The following REPS1 variants were observed in gnomAD, a reference collection of about 807,000 sequenced individuals.
REPS1 encodes RALBP1 associated Eps domain containing 1, also known as ralBP1-associated Eps domain-containing protein 1.
A neutral mutation model predicts 100.9 loss-of-function variants in REPS1; 39 were observed. The ratio of observed to expected loss-of-function variants is 0.39; its 90% CI spans 0.30 to 0.50. The LOEUF (loss-of-function observed/expected upper bound fraction) is 0.50. Ranked by LOEUF, REPS1 falls within the 20% of genes least tolerant of loss-of-function variation. The probability of loss-of-function intolerance (pLI) is 0.86; values close to 1 mark genes in which losing one functional copy is unlikely to be tolerated. For missense variants in REPS1, 821 were observed against 968.5 expected (o/e 0.85, Z 2.02); for synonymous variants, 324 against 340.3 (o/e 0.95, Z 0.53).
At chr6:138,932,065 T>A (rs1464131855) in intron 8 of REPS1, among the ~76,000 whole-genome samples, 1 of 152,144 alleles carries the variant, frequency 6.6e-6, no homozygotes, top group Non-Finnish European at 1.5e-5. Flanking sequence ...AGACCACAGT[T>A]CTCATGATTT....
chr6:138,957,913 A>C (rs931474205), intron 1 of REPS1, among the ~76,000 whole-genome samples: 12 of 152,348 alleles, frequency 7.9e-5, no homozygotes, highest in African/African-American at 2.2e-4. Flanking sequence ...TAAACAATTA[A>C]TTATGGTTAC....
In REPS1 at chr6:138,980,553, C is replaced by CG. The variant is rs200158144; in HGVS notation, c.153+6976_153+6977insC. ...CACCTTATTCTCCCTCCCCTGACCC[C>CG]CCATCCAGGCATCCTCTAAGGGGCC... On this transcript the variant is annotated intron_variant, in intron 1 of 19. Transcript: ENST00000450536. Among the ~76,000 whole-genome samples the CG allele has an allele frequency of 1.9e-4, 29 of 152,108 alleles. 1 individual carries two copies. The highest frequency in any genetic ancestry group is 7.0e-4 in the African/African-American group (29 of 41,508).
chr6:138,922,130 T>C (rs562594879), intron 10 of REPS1, among the ~76,000 whole-genome samples: 2 of 152,224 alleles, frequency 1.3e-5, no homozygotes, highest in East Asian at 3.9e-4. Flanking sequence ...TTCATGAGAA[T>C]CCAAAATCTA....
intron 1 of REPS1, 100 bp from the exon 2 acceptor site, chr6:138,948,013 TC>T: frequency 2.2e-5 from 23 of 1,061,986 alleles, no homozygotes; most frequent in East Asian, 2.7e-5. Context: ...AAAATATCTA[TC>T]TAATAGATGG....
At chr6:138,984,904 C>T (rs188322237) in intron 1 of REPS1, among the ~76,000 whole-genome samples, 1 of 152,316 alleles carries the variant, frequency 6.6e-6, no homozygotes, top group East Asian at 1.9e-4. Flanking sequence ...CCTTCAATAA[C>T]ATATCCAGTC....
chr6:138,926,594 G>A lies in REPS1; in HGVS notation c.1258-113C>T, dbSNP rs1781141456. ...GTTGCACTGCAAGTTGTGTTTCATAGGTTTAACAAAATTCAGTAATTTCTA... is the reference window on the plus strand; with the variant it reads ...GTTGCACTGCAAGTTGTGTTTCATAAGTTTAACAAAATTCAGTAATTTCTA... On this transcript the variant is annotated intron_variant, in intron 9 of 19. Coordinates refer to ENST00000450536, the MANE Select transcript of REPS1 (RefSeq NM_001286611.2). 4.4e-6 allele frequency: 3 copies of A among 688,850 alleles called. No individual in the cohort carries two copies. In the African/African-American group the frequency reaches 5.4e-5, roughly 12 times the overall value. The allele number at this position is 688,850 out of a possible 1,614,324, so 42.7% of individuals were successfully genotyped here. A position where few individuals can be genotyped will look rare whatever the true frequency, so the allele number is the denominator to read the frequency against.
chr6:138,929,198 C>T (rs1316788109), intron 9 of REPS1: 1 of 152,148 alleles, frequency 6.6e-6, no homozygotes, highest in African/African-American at 2.4e-5. Flanking sequence ...ACAAAGAAAA[C>T]TGCTCTAATA....
intron 10 of REPS1, among the ~76,000 whole-genome samples, chr6:138,923,989 A>G (rs1469258512): frequency 1.3e-5 from 2 of 152,190 alleles, no homozygotes; most frequent in African/African-American, 4.8e-5. Context: ...TTATTTATAT[A>G]AAGCCTTGCA....
At chr6:138,938,629 G>C (rs1364863161) in intron 8 of REPS1, among the ~76,000 whole-genome samples, 1 of 151,974 alleles carries the variant, frequency 6.6e-6, no homozygotes, top group African/African-American at 2.4e-5. Context: ...AGAGTACAGT[G>C]ATGGGGGAAA....
intron 8 of REPS1, among the ~76,000 whole-genome samples, chr6:138,930,617 C>T (rs1374378553): frequency 1.3e-5 from 2 of 151,950 alleles, no homozygotes; most frequent in Non-Finnish European, 2.9e-5. Flanking sequence ...AGACACACAT[C>T]CTTTTCATCA....
chr6:138,905,478 A>G (rs1186228256), intron 19 of REPS1, among the ~76,000 whole-genome samples: 1 of 146,522 alleles, frequency 6.8e-6, no homozygotes, highest in Admixed American at 7.0e-5. Flanking sequence ...TTTTTAGTAG[A>G]GACGGGGTTT....
Position 138,987,792 on chromosome 6 carries a change from C to A in REPS1, c.-110G>T. 7.7e-7 allele frequency: 1 copy of A among 1,291,304 alleles called. No individual in the cohort carries two copies. Among genetic ancestry groups the A allele is most frequent in the Non-Finnish European group, 1.0e-6 (1 of 997,968 alleles). 80.0% of individuals were successfully genotyped at this position (1,291,304 alleles called of 1,614,324 possible). A position where few individuals can be genotyped will look rare whatever the true frequency, so the allele number is the denominator to read the frequency against. ...GTGGCCCGGCCTCCTGCTAGCTTCCCGAAAACGCCGGCCCCGGCCTCACAC... is the reference window on the plus strand; with the variant it reads ...GTGGCCCGGCCTCCTGCTAGCTTCCAGAAAACGCCGGCCCCGGCCTCACAC... On this transcript the variant is annotated 5_prime_UTR_variant, in exon 1 of 20. Coordinates refer to ENST00000450536, the MANE Select transcript of REPS1 (RefSeq NM_001286611.2).
At chr6:138,942,428 G>C (rs556861096) in intron 7 of REPS1, among the ~76,000 whole-genome samples, 108 of 152,178 alleles carry the variant, frequency 7.1e-4, no homozygotes, top group African/African-American at 2.6e-3. Context: ...TAACATTTAT[G>C]TTTATCTGAT....
intron 8 of REPS1, among the ~76,000 whole-genome samples, chr6:138,932,100 A>G (rs2128459548): frequency 6.6e-6 from 1 of 152,304 alleles, no homozygotes; most frequent in Admixed American, 6.5e-5. Flanking sequence ...TTTAGGGCCA[A>G]GCTGTACCAC....
chr6:138,918,224 T>G (rs1344958134), intron 12 of REPS1, among the ~76,000 whole-genome samples: 1 of 152,170 alleles, frequency 6.6e-6, no homozygotes, highest in Non-Finnish European at 1.5e-5. Context: ...GTGCTGGGAT[T>G]ACAGGTGTGA....
intron 10 of REPS1, among the ~76,000 whole-genome samples, chr6:138,922,352 C>T (rs1780831066): frequency 6.6e-6 from 1 of 152,070 alleles, no homozygotes; most frequent in Non-Finnish European, 1.5e-5. Context: ...TTAAGAGGAA[C>T]AAGACTCCCA....
chr6:138,981,632 T>C (rs917433808), intron 1 of REPS1, among the ~76,000 whole-genome samples: 4 of 152,196 alleles, frequency 2.6e-5, no homozygotes, highest in Non-Finnish European at 5.9e-5. Context: ...CAAGACTTTG[T>C]GCTACTTTTA....
rs528130074 is a variant in REPS1, at chr6:138,942,745, G to A, written c.980+768C>T. On this transcript the variant is annotated intron_variant, in intron 7 of 19. Coordinates refer to ENST00000450536, the MANE Select transcript of REPS1 (RefSeq NM_001286611.2). ...GCGTGAACCACCACACCCAGTTTGT[G>A]TTTTCTTTTTGCTTGTTTTGTTTTT... 1.9e-4 allele frequency among the ~76,000 whole-genome samples: 29 copies of A among 151,998 alleles called. No individual in the cohort carries two copies. In the South Asian group the frequency reaches 5.4e-3, roughly 28 times the overall value.
intron 12 of REPS1, among the ~76,000 whole-genome samples, chr6:138,919,332 A>T (rs1780604148): frequency 1.3e-5 from 2 of 152,100 alleles, no homozygotes; most frequent in Non-Finnish European, 2.9e-5. Flanking sequence ...TTGCCTGATT[A>T]CCGCTATCTC....
Sources: gnomAD v4.1 joint callset for allele counts (sites outside exome capture counted in the v4.1 genomes callset) on GRCh38, gnomAD v4.1.1 for gene constraint, MANE v1.5 for transcripts, NCBI Gene and HGNC (gene_info 2026-07-23, HGNC 2026-07-21) for gene names.